GALM: variants seen among roughly 807,000 people sequenced by gnomAD.
The protein encoded by GALM is galactose mutarotase.
GALM carries 43 observed loss-of-function variants against 37.4 expected under a neutral mutation model. The ratio of observed to expected loss-of-function variants is 1.15; its 90% CI spans 0.90 to 1.48. The LOEUF (loss-of-function observed/expected upper bound fraction) is 1.48. Among genes scored for constraint, GALM ranks in the 40% most tolerant of loss-of-function variants. The pLI is 0.00. For synonymous variants in GALM, 199 were observed against 170.6 expected, an observed-to-expected ratio of 1.17 and a Z score of -1.30; for missense variants, 456 against 419.1, an observed-to-expected ratio of 1.09 and a Z score of -0.77.
In GALM at chr2:38,675,902, G is replaced by T; in HGVS notation, c.191-10G>T. 1 of 1,613,862 alleles carries T rather than the reference G, an allele frequency of 6.2e-7. No individual in the cohort carries two copies. The highest frequency in any genetic ancestry group is 8.5e-7 in the Non-Finnish European group (1 of 1,179,900). On this transcript the variant is annotated splice_polypyrimidine_tract_variant and intron_variant, in intron 1 of 6. Coordinates refer to ENST00000272252, the MANE Select transcript of GALM (RefSeq NM_138801.3). ...AGTTTTAAAAGTGCTGTCATCCCTT[G>T]TCCTTGCAGGATACCTCCAAAAGCA...
chr2:38,678,603 T>G (rs1665317782), intron 2 of GALM, among the ~76,000 whole-genome samples: 2 of 152,174 alleles, frequency 1.3e-5, no homozygotes, highest in African/African-American at 4.8e-5. Context: ...ATAACAGGCT[T>G]CATATTTTGA....
At chr2:38,720,583 C>T (rs1251828651) in intron 4 of GALM, among the ~76,000 whole-genome samples, 1 of 152,132 alleles carries the variant, frequency 6.6e-6, no homozygotes, top group Non-Finnish European at 1.5e-5. Context: ...CAAATTACTC[C>T]AGCACTTCGT....
At chr2:38,698,473 AT>A in intron 4 of GALM, 2 of 1,114,560 alleles carry the variant, frequency 1.8e-6, no homozygotes, top group Non-Finnish European at 1.2e-6. Flanking sequence ...TTAGCAGTTA[AT>A]TTAGCTCTGC....
chr2:38,686,329 G>C (rs921607322), intron 3 of GALM, among the ~76,000 whole-genome samples: 1 of 140,198 alleles, frequency 7.1e-6, no homozygotes, highest in Admixed American at 7.4e-5. Context: ...GCAGTGGCGC[G>C]ATCTTGGCTC....
chr2:38,711,085 G>A (rs1454014540), intron 4 of GALM, among the ~76,000 whole-genome samples: 4 of 151,494 alleles, frequency 2.6e-5, no homozygotes, highest in Non-Finnish European at 5.9e-5. Flanking sequence ...TGCTCTATGT[G>A]TCTTTAGGCC....
At chr2:38,706,359 C>G (rs1476680308) in intron 4 of GALM, among the ~76,000 whole-genome samples, 4 of 150,986 alleles carry the variant, frequency 2.6e-5, no homozygotes, top group Non-Finnish European at 5.9e-5. Context: ...GGGAACTGAC[C>G]TGTCAAGATT....
intron 4 of GALM, among the ~76,000 whole-genome samples, chr2:38,699,023 C>T (rs1328581077): frequency 6.6e-6 from 1 of 152,216 alleles, no homozygotes; most frequent in Non-Finnish European, 1.5e-5. Flanking sequence ...AAGCAATTCT[C>T]CTGCCTCAGC....
intron 4 of GALM, among the ~76,000 whole-genome samples, chr2:38,696,844 C>T (rs1665818949): frequency 7.9e-6 from 1 of 126,188 alleles, no homozygotes; most frequent in Non-Finnish European, 1.6e-5. Flanking sequence ...GGCTGGAGTG[C>T]AGTGGCGCGA....
At chr2:38,708,164 G>T (rs1192243235) in intron 4 of GALM, among the ~76,000 whole-genome samples, 1 of 143,704 alleles carries the variant, frequency 7.0e-6, no homozygotes, top group Non-Finnish European at 1.6e-5. Context: ...GCCTGGCATG[G>T]TGGCTTGCAC....
chr2:38,733,054 C>A (rs1276191277), intron 6 of GALM, among the ~76,000 whole-genome samples: 1 of 151,702 alleles, frequency 6.6e-6, no homozygotes, highest in Non-Finnish European at 1.5e-5. Flanking sequence ...AACCCTGTCT[C>A]TAGTAAAAAT....
At chr2:38,696,781 CTTTTTTT>C (rs34163863) in intron 4 of GALM, among the ~76,000 whole-genome samples, 6 of 68,472 alleles carry the variant, frequency 8.8e-5, no homozygotes, top group Admixed American at 3.4e-4. Flanking sequence ...CCCAAGAAAG[CTTTTTTT>C]TTTTTTTTTT....
At position 38,731,391 on chromosome 2, in the gene GALM, T is replaced by C. The variant is rs1322657806; in HGVS notation, c.777-344T>C. 6.0e-5 allele frequency among the ~76,000 whole-genome samples: 5 copies of C among 83,342 alleles called. No individual in the cohort carries two copies. The Admixed American group carries it at 7.7e-4, about 13-fold the overall frequency. 54.7% of individuals were successfully genotyped at this position (83,342 alleles called of 152,430 possible). The stretch of plus-strand genomic sequence containing the variant: ...CAGCCTGGGCAATAGAGAAAGACTC[T>C]ATTTCAAAAAAAAAAAAAAAAAAAA... On this transcript the variant is annotated intron_variant, in intron 5 of 6. Coordinates refer to ENST00000272252, the MANE Select transcript of GALM (RefSeq NM_138801.3).
intron 4 of GALM, among the ~76,000 whole-genome samples, chr2:38,690,164 T>C (rs1217792318): frequency 1.3e-5 from 2 of 152,158 alleles, no homozygotes; most frequent in South Asian, 2.1e-4. Context: ...TTTTAAAAAA[T>C]GGTGAGTAAG....
rs1429272223 is a variant in GALM at position 38,731,889 on chromosome 2, T to A, written c.931T>A (p.Trp311Arg). 2.4e-5 allele frequency: 38 copies of A among 1,614,052 alleles called. No individual in the cohort carries two copies. Among genetic ancestry groups the A allele is most frequent in the Non-Finnish European group, 3.2e-5 (38 of 1,180,014 alleles). The change falls in exon 6 of 7, where the codon TGG becomes AGG. Residue 311 changes from tryptophan to arginine, a missense_variant. Physicochemically the swap from Trp to Arg is moderately radical, Grantham distance 101. Coordinates refer to ENST00000272252, the MANE Select transcript of GALM (RefSeq NM_138801.3). The stretch of plus-strand genomic sequence containing the variant: ...CGGTTTCTGCCTGGAGACTCAGAAC[T>A]GGCCTGATGCAGTCAATCAGGTAAT... ...HSGFCLETQN[W>R]PDAVNQPRFP...
chr2:38,725,858 T>C (rs3112144), intron 4 of GALM, among the ~76,000 whole-genome samples: 149,141 of 152,078 alleles, frequency 0.98, 73,145 homozygotes, highest in African/African-American at 0.99. Context: ...ATTACAGGTA[T>C]GCGCCACCAC....
chr2:38,695,309 AT>A (rs1205629806), intron 4 of GALM, among the ~76,000 whole-genome samples: 4 of 152,160 alleles, frequency 2.6e-5, no homozygotes, highest in Admixed American at 2.6e-4. Flanking sequence ...AAATAAATAA[AT>A]TAAATAAATA....
intron 4 of GALM, among the ~76,000 whole-genome samples, chr2:38,696,523 T>C (rs1572525933): frequency 6.6e-6 from 1 of 151,734 alleles, no homozygotes; most frequent in East Asian, 1.9e-4. Flanking sequence ...ATCAAACTTC[T>C]GGGGCTCAAG....
At chr2:38,679,196 A>G (rs1665333949) in intron 2 of GALM, among the ~76,000 whole-genome samples, 1 of 152,298 alleles carries the variant, frequency 6.6e-6, no homozygotes, top group East Asian at 1.9e-4. Context: ...CATGTTGGCC[A>G]GGCTTGTCTC....
chr2:38,676,647 C>T (rs940513906), intron 2 of GALM, among the ~76,000 whole-genome samples: 3 of 152,172 alleles, frequency 2.0e-5, no homozygotes, highest in Non-Finnish European at 2.9e-5. Context: ...CCTGTAATCC[C>T]AGCTACTCTG....
Sources: gnomAD v4.1 joint callset for allele counts (sites outside exome capture counted in the v4.1 genomes callset) on GRCh38, gnomAD v4.1.1 for gene constraint, MANE v1.5 for transcripts, NCBI Gene and HGNC (gene_info 2026-07-23, HGNC 2026-07-21) for gene names.